The following HEPH variants were observed in gnomAD, a reference collection of about 807,000 sequenced individuals.
The protein encoded by HEPH is hephaestin.
Under a neutral mutation model 80.8 loss-of-function variants are expected in HEPH, and 69 were observed. That is an observed-to-expected ratio of 0.85 (90% CI 0.70 to 1.04). The LOEUF (loss-of-function observed/expected upper bound fraction) is 1.04. HEPH is among the 50% of genes least tolerant of loss of function. The pLI, the probability that HEPH is intolerant of heterozygous loss-of-function variation, is 0.00. For synonymous variants in HEPH, 431 were observed against 322.8 expected, an observed-to-expected ratio of 1.34 and a Z score of -3.60; for missense variants, 1,115 against 891.3, an observed-to-expected ratio of 1.25 and a Z score of -3.20.
intron 15 of HEPH, among the ~76,000 whole-genome samples, chrX:66,224,855 G>T: frequency 9.3e-6 from 1 of 106,964 alleles, no homozygotes; most frequent in Non-Finnish European, 1.9e-5. Flanking sequence ...CTCTCTCTCT[G>T]TCTCTGATTT....
intron 4 of HEPH, among the ~76,000 whole-genome samples, chrX:66,177,332 C>T (rs1164692123): frequency 9.0e-6 from 1 of 111,642 alleles, no homozygotes; most frequent in East Asian, 2.8e-4. Flanking sequence ...GGTAGGATTC[C>T]ATGGTGAATC....
chrX:66,260,535 G>A (rs754872200), intron 19 of HEPH, among the ~76,000 whole-genome samples: 3 of 111,494 alleles, frequency 2.7e-5, no homozygotes, highest in Non-Finnish European at 5.6e-5. Context: ...CACATGAATT[G>A]ACCCAGCCTG....
intron 15 of HEPH, among the ~76,000 whole-genome samples, chrX:66,254,103 CAAT>C (rs2091093439): frequency 9.0e-6 from 1 of 111,248 alleles, no homozygotes; most frequent in Admixed American, 9.6e-5. Context: ...AATTACATCT[CAAT>C]AAAGTTGTTA....
intron 9 of HEPH, among the ~76,000 whole-genome samples, chrX:66,195,886 TTATC>T (rs1371220995): frequency 9.0e-6 from 1 of 111,678 alleles, no homozygotes; most frequent in East Asian, 2.8e-4. Flanking sequence ...ATTTTTTACT[TTATC>T]TAAGAATATT....
rs1015975812 is a variant in HEPH at position 66,248,336 on chromosome X, G to A, written c.2564-6699G>A. 1.3e-4 allele frequency among the ~76,000 whole-genome samples: 15 copies of A among 111,885 alleles called. No individual in the cohort carries two copies. The Admixed American group carries it at 1.4e-3, about 11-fold the overall frequency. On this transcript the variant is annotated intron_variant, in intron 15 of 20. Transcript: ENST00000343002. ...ATAACATCTCATACTATCCCACCTG[G>A]GATGAGAATGTTTCCTTTGTCCAGC...
intron 15 of HEPH, among the ~76,000 whole-genome samples, chrX:66,242,174 T>C (rs777060817): frequency 1.2e-4 from 13 of 109,699 alleles, no homozygotes; most frequent in Non-Finnish European, 2.3e-4. Flanking sequence ...AGCAGACACA[T>C]AGACCAATAT....
chrX:66,268,276 CA>C (rs1225711722), downstream of HEPH: 2 of 112,174 alleles, frequency 1.8e-5, no homozygotes, highest in African/African-American at 6.5e-5. Context: ...GTCTAGGTAG[CA>C]ATCTCTTGAA....
At chrX:66,228,820 A>G (rs1295745578) in intron 15 of HEPH, among the ~76,000 whole-genome samples, 2 of 112,431 alleles carry the variant, frequency 1.8e-5, no homozygotes, top group Non-Finnish European at 3.8e-5. Flanking sequence ...TCAAAACCAC[A>G]GTGTGATATC....
intron 15 of HEPH, among the ~76,000 whole-genome samples, chrX:66,226,252 G>A (rs1008667851): frequency 1.8e-5 from 2 of 111,821 alleles, no homozygotes; most frequent in African/African-American, 6.5e-5. Flanking sequence ...TTCTTTCTTT[G>A]GAGGCAGAAA....
chrX:66,193,694 A>T, intron 8 of HEPH, 56 bp downstream of exon 8: 1 of 979,041 alleles, frequency 1.0e-6, no homozygotes, highest in Non-Finnish European at 1.4e-6. Context: ...ATTGAGGAAG[A>T]CTTTGAAACT....
At chrX:66,247,327 G>T (rs1329640899) in intron 15 of HEPH, among the ~76,000 whole-genome samples, 1 of 105,088 alleles carries the variant, frequency 9.5e-6, no homozygotes, top group Non-Finnish European at 1.9e-5. Context: ...TTGTCCTACA[G>T]GTCCCTTATG....
At position 66,203,987 on chromosome X, in the gene HEPH, G is replaced by T. The variant is rs986114990; in HGVS notation, c.2291+410G>T. Among the ~76,000 whole-genome samples the T allele has an allele frequency of 9.8e-5, 11 of 112,247 alleles. No homozygotes were observed. The South Asian group carries it at 1.8e-3, about 19-fold the overall frequency. ...AAAACAGAGTGATTTAAATATGATAGAATTTTATTTCTTATTCACATAATA... is the reference window on the plus strand; with the variant it reads ...AAAACAGAGTGATTTAAATATGATATAATTTTATTTCTTATTCACATAATA... On this transcript the variant is annotated intron_variant, in intron 13 of 20. Transcript: ENST00000343002.
intron 12 of HEPH, among the ~76,000 whole-genome samples, chrX:66,201,285 A>C (rs773015598): frequency 1.8e-5 from 2 of 110,048 alleles, no homozygotes; most frequent in African/African-American, 6.6e-5. Context: ...CAGCCTGGAA[A>C]TCAGAACACA....
At chrX:66,245,990 A>C (rs905632782) in intron 15 of HEPH, among the ~76,000 whole-genome samples, 7 of 112,381 alleles carry the variant, frequency 6.2e-5, no homozygotes, top group Non-Finnish European at 9.4e-5. Context: ...CTGCAGTTGC[A>C]GACAGGCCAT....
intron 1 of HEPH, among the ~76,000 whole-genome samples, chrX:66,165,957 C>G (rs1002540517): frequency 9.0e-6 from 1 of 111,199 alleles, no homozygotes; most frequent in African/African-American, 3.3e-5. Flanking sequence ...AAGTGAAAAG[C>G]TTACACAGGG....
chrX:66,197,637 C>A (rs2088172767), intron 9 of HEPH, 46 bp from the exon 10 acceptor site: 1 of 1,074,854 alleles, frequency 9.3e-7, no homozygotes, highest in East Asian at 3.0e-5. Context: ...GCTGATGATT[C>A]TCATTCTAGT....
chrX:66,198,565 C>T (rs1362212692), intron 10 of HEPH, among the ~76,000 whole-genome samples: 1 of 110,818 alleles, frequency 9.0e-6, no homozygotes, highest in Non-Finnish European at 1.9e-5. Context: ...TCCCCTCATT[C>T]CTCTCCCCAG....
At chrX:66,200,377 A>T in intron 11 of HEPH, 163 bp from the exon 12 acceptor site, 1 of 449,505 alleles carries the variant, frequency 2.2e-6, no homozygotes, top group Non-Finnish European at 3.9e-6. Flanking sequence ...GATATTCACG[A>T]GTAGAGTTAA....
Position 66,189,829 on chromosome X carries a change from C to G in HEPH, c.954C>G (p.His318Gln). 1 of 1,210,446 alleles carries G rather than the reference C, an allele frequency of 8.3e-7. No homozygotes were observed. Among genetic ancestry groups the G allele is most frequent in the Non-Finnish European group, 1.1e-6 (1 of 894,921 alleles). Reference sequence around the variant, plus strand: ...GACAGATGCTGACTACCCGTGGACACCACACTGATGTGGCTAACATCTTTC... The same window carrying G: ...GACAGATGCTGACTACCCGTGGACAGCACACTGATGTGGCTAACATCTTTC... ...FHGQMLTTRG[H>Q]HTDVANIFPA... Residue 318 changes from histidine (H) to glutamine (Q), a missense_variant, in exon 6 of 21, where the codon CAC becomes CAG. Physicochemically the swap from His to Gln is conservative, Grantham distance 24. Coordinates refer to ENST00000343002, the MANE Select transcript of HEPH (RefSeq NM_001367233.3).
Sources: allele counts gnomAD v4.1 joint callset (sites outside exome capture counted in the v4.1 genomes callset), GRCh38; gene constraint gnomAD v4.1.1; transcripts MANE v1.5; gene names NCBI Gene and HGNC (gene_info 2026-07-23, HGNC 2026-07-21).